The following GCH1 variants were observed in gnomAD, a reference collection of about 807,000 sequenced individuals.
GCH1 encodes GTP cyclohydrolase I.
A neutral mutation model predicts 25.9 loss-of-function variants in GCH1; 5 were observed. The ratio of observed to expected loss-of-function variants is 0.19; its 90% confidence interval spans 0.10 to 0.41. The LOEUF (loss-of-function observed/expected upper bound fraction) is 0.41, where lower values mean the gene tolerates loss of function less well. Ranked by LOEUF, GCH1 falls within the 10% of genes least tolerant of loss-of-function variation. GCH1 has a pLI of 1.00. For synonymous variants in GCH1, 159 were observed against 129.6 expected (o/e 1.23, Z -1.54); for missense variants, 261 against 336.5 (o/e 0.78, Z 1.75).
intron 4 of GCH1, among the ~76,000 whole-genome samples, chr14:54,846,647 A>G (rs1360915727): frequency 2.0e-5 from 3 of 152,294 alleles, no homozygotes; most frequent in Admixed American, 2.0e-4. Context: ...CAAATACAAC[A>G]GTGATTTCTT....
chr14:54,871,992 G>C (rs1431930147), intron 1 of GCH1, among the ~76,000 whole-genome samples: 3 of 151,970 alleles, frequency 2.0e-5, no homozygotes, highest in South Asian at 2.1e-4. Flanking sequence ...AGGAAATACA[G>C]AGAATGCCAC....
chr14:54,861,227 C>A (rs958138466), intron 2 of GCH1, among the ~76,000 whole-genome samples: 4 of 152,136 alleles, frequency 2.6e-5, no homozygotes, highest in African/African-American at 7.2e-5. Context: ...GAGAAGTCCA[C>A]CTCATTGCCT....
intron 1 of GCH1, among the ~76,000 whole-genome samples, chr14:54,895,141 T>C (rs2040468131): frequency 6.6e-6 from 1 of 152,260 alleles, no homozygotes; most frequent in African/African-American, 2.4e-5. Context: ...AAGATGCATT[T>C]TTGTATAAAC....
intron 1 of GCH1, among the ~76,000 whole-genome samples, chr14:54,894,035 G>A (rs1157752868): frequency 2.0e-5 from 3 of 152,142 alleles, no homozygotes; most frequent in Non-Finnish European, 4.4e-5. Context: ...AGTGAAGTGC[G>A]TAGTACTTGA....
At chr14:54,881,207 GAAAC>G (rs2040267820) in intron 1 of GCH1, among the ~76,000 whole-genome samples, 1 of 151,904 alleles carries the variant, frequency 6.6e-6, no homozygotes, top group African/African-American at 2.4e-5. Flanking sequence ...ATTTTAAAAA[GAAAC>G]AAACATTAAA....
intron 3 of GCH1, among the ~76,000 whole-genome samples, chr14:54,859,035 T>C (rs1043810306): frequency 4.6e-5 from 7 of 152,134 alleles, no homozygotes; most frequent in African/African-American, 1.7e-4. Flanking sequence ...GAACACTGTA[T>C]CAGAATAAAG....
Position 54,858,047 on chromosome 14 carries a change from A to G in GCH1, c.509+1634T>C, listed in dbSNP as rs61977035. ...GTCTCTTCTACCCACTTTCTTATTG[A>G]TCCCCAGAGGAAATGAATGAGAAAG... On this transcript the variant is annotated intron_variant, in intron 3 of 5. Coordinates refer to ENST00000491895, the MANE Select transcript of GCH1 (RefSeq NM_000161.3). Among the ~76,000 whole-genome samples, 5 of 152,286 alleles carry G rather than the reference A, an allele frequency of 3.3e-5. No individual in the cohort carries two copies. In the South Asian group the frequency reaches 1.0e-3, roughly 32 times the overall value.
At chr14:54,864,184 G>A (rs2039959717) in intron 2 of GCH1, among the ~76,000 whole-genome samples, 1 of 151,996 alleles carries the variant, frequency 6.6e-6, no homozygotes, top group Non-Finnish European at 1.5e-5. Flanking sequence ...GATCTCTGAA[G>A]TGGTAAGGAA....
intron 1 of GCH1, among the ~76,000 whole-genome samples, chr14:54,896,935 A>C (rs1387091064): frequency 6.6e-6 from 1 of 150,936 alleles, no homozygotes; most frequent in East Asian, 1.9e-4. Flanking sequence ...AAAAAAAACA[A>C]AAGAAGAAGT....
At chr14:54,861,368 G>T (rs1387665658) in intron 2 of GCH1, among the ~76,000 whole-genome samples, 1 of 152,140 alleles carries the variant, frequency 6.6e-6, no homozygotes, top group Non-Finnish European at 1.5e-5. Flanking sequence ...TTTCCATGCA[G>T]ACACGGAATT....
chr14:54,895,054 A>G (rs8016730), intron 1 of GCH1, among the ~76,000 whole-genome samples: 12 of 152,240 alleles, frequency 7.9e-5, no homozygotes, highest in Non-Finnish European at 1.8e-4. Context: ...ACAGCAGTCT[A>G]ATTTAATAAA....
At chr14:54,877,144 A>G (rs1403762647) in intron 1 of GCH1, among the ~76,000 whole-genome samples, 1 of 152,204 alleles carries the variant, frequency 6.6e-6, no homozygotes, top group Non-Finnish European at 1.5e-5. Context: ...TTGCTCCAAC[A>G]TATCTAAAAG....
rs145012097 is a variant in GCH1 at position 54,880,249 on chromosome 14, T to G, written c.344-14813A>C. ...CTAGGAAGTTTAAACTATCTGTATT[T>G]TTTAAAAGCAATTATAGCAAAATAC... On this transcript the variant is annotated intron_variant, in intron 1 of 5. Coordinates refer to ENST00000491895, the MANE Select transcript of GCH1 (RefSeq NM_000161.3). Among the ~76,000 whole-genome samples, 848 of 150,028 alleles carry G rather than the reference T, an allele frequency of 5.7e-3. 11 individuals are homozygous for G. Among genetic ancestry groups the G allele is most frequent in the African/African-American group, 0.02 (806 of 41,084 alleles).
intron 3 of GCH1, among the ~76,000 whole-genome samples, chr14:54,848,006 CT>C (rs2039669320): frequency 6.6e-6 from 1 of 152,124 alleles, no homozygotes; most frequent in Admixed American, 6.5e-5. Context: ...CAGATTGGAA[CT>C]GATTAGACTT....
chr14:54,898,844 TA>T (rs1464271164), intron 1 of GCH1, among the ~76,000 whole-genome samples: 2 of 152,174 alleles, frequency 1.3e-5, no homozygotes, highest in Admixed American at 6.5e-5. Flanking sequence ...GGTCTCTTTC[TA>T]ACTCCTAACC....
rs1187373320 is a variant in GCH1 at position 54,902,760 on chromosome 14, C to G, written c.-97G>C. On this transcript the variant is annotated 5_prime_UTR_variant, in exon 1 of 6. Coordinates refer to ENST00000491895, the MANE Select transcript of GCH1 (RefSeq NM_000161.3). ...GTGGCCGCGGACAATGGGCTGTGGC[C>G]GGAGTCACCTGAGGAAGGTACGCAA... The G allele has an allele frequency of 1.5e-6, 2 of 1,355,800 alleles. No individual in the cohort carries two copies. The highest frequency in any genetic ancestry group is 1.5e-5 in the African/African-American group (1 of 65,440). The allele number at this position is 1,355,800 out of a possible 1,614,324, so 84.0% of individuals were successfully genotyped here.
intron 1 of GCH1, among the ~76,000 whole-genome samples, chr14:54,888,522 T>G (rs532598582): frequency 7.1e-6 from 1 of 140,318 alleles, no homozygotes; most frequent in Non-Finnish European, 1.5e-5. Flanking sequence ...ACTAGTTTTT[T>G]TTTTTTTTGA....
At chr14:54,850,682 A>T (rs916327489) in intron 3 of GCH1, among the ~76,000 whole-genome samples, 1 of 151,962 alleles carries the variant, frequency 6.6e-6, no homozygotes, top group African/African-American at 2.4e-5. Flanking sequence ...CCTGTGTCCA[A>T]GTGTTCTCAT....
rs1204654318 is a variant in GCH1 at position 54,880,556 on chromosome 14, TATATATATACTCC to T, written c.344-15133_344-15121del. On this transcript the variant is annotated intron_variant, in intron 1 of 5. Transcript: ENST00000491895. ...ATACTCCATATATATATATACTCCATATATATATACTCCATATATATATACTCCATATATATAT... is the reference window on the plus strand; with the variant it reads ...ATACTCCATATATATATATACTCCATATATATATATACTCCATATATATAT... Among the ~76,000 whole-genome samples the T allele has an allele frequency of 2.8e-3, 235 of 82,852 alleles. 45 individuals carry two copies. Among genetic ancestry groups the T allele is most frequent in the African/African-American group, 0.012 (217 of 17,998 alleles). The allele number at this position is 82,852 out of a possible 152,430, so 54.4% of individuals were successfully genotyped here. A position where few individuals can be genotyped will look rare whatever the true frequency, so the allele number is the denominator to read the frequency against.
Sources: gnomAD v4.1 joint callset for allele counts (sites outside exome capture counted in the v4.1 genomes callset) on GRCh38, gnomAD v4.1.1 for gene constraint, MANE v1.5 for transcripts, NCBI Gene and HGNC (gene_info 2026-07-23, HGNC 2026-07-21) for gene names.